Variants in EEF1E1 observed in about 807,000 individuals in gnomAD.
EEF1E1 encodes the protein eukaryotic translation elongation factor 1 epsilon 1, also known as eukaryotic translation elongation factor 1 epsilon-1.
Under a neutral mutation model 19.9 loss-of-function variants are expected in EEF1E1, and 19 were observed. That is an observed-to-expected ratio of 0.95 (90% CI 0.66 to 1.40). The LOEUF (loss-of-function observed/expected upper bound fraction) is 1.40. Among genes scored for constraint, EEF1E1 ranks in the 40% most tolerant of loss-of-function variants. The pLI is 0.00. For synonymous variants in EEF1E1, 81 were observed against 80.0 expected (o/e 1.01, Z -0.07); for missense variants, 198 against 202.2 (o/e 0.98, Z 0.13).
In EEF1E1 at chr6:8,080,049, C is replaced by T; in HGVS notation, c.385-19G>A. On this transcript the variant is annotated intron_variant, in intron 3 of 3. Coordinates refer to ENST00000379715, the MANE Select transcript of EEF1E1 (RefSeq NM_004280.5). ...GGTCAACCTAAGTAGAGATTAAAAA[C>T]ATACACACACAACACAGATGTTACA... 1 of 1,611,422 alleles carries T rather than the reference C, an allele frequency of 6.2e-7. No homozygotes were observed. The highest frequency in any genetic ancestry group is 1.1e-5 in the South Asian group (1 of 90,990).
downstream of EEF1E1, chr6:8,078,413 A>T (rs1581453464): frequency 5.6e-6 from 1 of 179,860 alleles, no homozygotes; most frequent in Non-Finnish European, 1.2e-5. Flanking sequence ...CACCCCAAAA[A>T]TAATAACAAT....
downstream of EEF1E1, among the ~76,000 whole-genome samples, chr6:8,075,160 C>T (rs868686722): frequency 5.3e-5 from 8 of 152,034 alleles, no homozygotes; most frequent in South Asian, 1.0e-3. Context: ...TATAGCAGAC[C>T]GAGTGGTTAG....
In EEF1E1 at chr6:8,089,491, C is replaced by T. The variant is rs551110668; in HGVS notation, c.384+695G>A. On this transcript the variant is annotated intron_variant, in intron 3 of 3. Coordinates refer to ENST00000379715, the MANE Select transcript of EEF1E1 (RefSeq NM_004280.5). ...GAGTCTGATGTTTGAGGGCAGAAAG[C>T]ATCCAGCACGGGAGAAAGACGTAGG... Among the ~76,000 whole-genome samples, 5 of 152,268 alleles carry T rather than the reference C, an allele frequency of 3.3e-5. No homozygotes were observed. In the South Asian group the frequency reaches 1.0e-3, roughly 32 times the overall value.
intron 1 of EEF1E1, among the ~76,000 whole-genome samples, chr6:8,099,824 A>C (rs1471910762): frequency 6.6e-6 from 1 of 151,330 alleles, no homozygotes; most frequent in Non-Finnish European, 1.5e-5. Flanking sequence ...TAATGTTCAC[A>C]CATGATGAAA....
chr6:8,078,665 C>T (rs1336184886), downstream of EEF1E1: 2 of 1,279,042 alleles, frequency 1.6e-6, no homozygotes, highest in Non-Finnish European at 2.0e-6. Flanking sequence ...AGTCTCCTGA[C>T]TCAGTCACTT....
At chr6:8,084,368 A>G (rs1757793712) in intron 3 of EEF1E1, among the ~76,000 whole-genome samples, 1 of 152,234 alleles carries the variant, frequency 6.6e-6, no homozygotes, top group African/African-American at 2.4e-5. Context: ...GCACTATAGG[A>G]TTATGACCTT....
chr6:8,088,391 A>G (rs1341493847), intron 3 of EEF1E1, among the ~76,000 whole-genome samples: 1 of 152,146 alleles, frequency 6.6e-6, no homozygotes, highest in Non-Finnish European at 1.5e-5. Context: ...TTGAAATGTA[A>G]CTTCCACAAT....
chr6:8,076,470 C>G (rs974762977), downstream of EEF1E1, among the ~76,000 whole-genome samples: 1 of 151,886 alleles, frequency 6.6e-6, no homozygotes, highest in African/African-American at 2.4e-5. Flanking sequence ...ACTACAGGCG[C>G]CCACCACCAC....
In EEF1E1 at chr6:8,087,693, A is replaced by T. The variant is rs545682342; in HGVS notation, c.384+2493T>A. ...AGAAAGAAAAAGACACGGTCATGAG[A>T]AAGACTGCTCCAGGGGCCACCAAGC... On this transcript the variant is annotated intron_variant, in intron 3 of 3. Coordinates refer to ENST00000379715, the MANE Select transcript of EEF1E1 (RefSeq NM_004280.5). Among the ~76,000 whole-genome samples the T allele has an allele frequency of 3.0e-4, 45 of 152,284 alleles. 1 individual carries two copies. Among genetic ancestry groups the T allele is most frequent in the Non-Finnish European group, 2.9e-5 (2 of 68,020 alleles).
chr6:8,083,205 T>C (rs1246779586), intron 3 of EEF1E1, among the ~76,000 whole-genome samples: 1 of 152,232 alleles, frequency 6.6e-6, no homozygotes, highest in Non-Finnish European at 1.5e-5. Flanking sequence ...ACACTTTAAG[T>C]GAACCGTTCC....
chr6:8,090,171 T>G lies in EEF1E1; in HGVS notation c.384+15A>C. The G allele has an allele frequency of 1.3e-6, 2 of 1,502,130 alleles. No individual in the cohort carries two copies. The highest frequency in any genetic ancestry group is 1.8e-6 in the Non-Finnish European group (2 of 1,128,258). 93.1% of individuals were successfully genotyped at this position (1,502,130 alleles called of 1,614,324 possible). Reference sequence around the variant, plus strand: ...ACACTACAGAAAAAAAGCCAGTAACTATACAAATACTCACTATAAAGCGAT... The same window carrying G: ...ACACTACAGAAAAAAAGCCAGTAACGATACAAATACTCACTATAAAGCGAT... On this transcript the variant is annotated intron_variant, in intron 3 of 3. Coordinates refer to ENST00000379715, the MANE Select transcript of EEF1E1 (RefSeq NM_004280.5).
rs978231491 is a variant in EEF1E1, at chr6:8,102,448, T to G, written c.74A>C (p.Gln25Pro). ...GLSKGNKYSA[Q>P]GERQIPVLQT... is the part of the protein sequence containing the mutation. ...TCTCCTTCTCACCTGTCGCTCGCCCTGAGCACTGTATTTATTCCCCTTACT... is the reference window on the plus strand; with the variant it reads ...TCTCCTTCTCACCTGTCGCTCGCCCGGAGCACTGTATTTATTCCCCTTACT... Residue 25 changes from glutamine (Q) to proline (P), a missense_variant, in exon 1 of 4, where the codon CAG becomes CCG. Gln to Pro is a moderately conservative substitution (Grantham distance 76). Transcript: ENST00000379715. 1 of 1,612,022 alleles carries G rather than the reference T, an allele frequency of 6.2e-7. No homozygotes were observed. Among genetic ancestry groups the G allele is most frequent in the Non-Finnish European group, 8.5e-7 (1 of 1,179,778 alleles).
chr6:8,077,213 G>A (rs1009385616), downstream of EEF1E1, among the ~76,000 whole-genome samples: 5 of 152,202 alleles, frequency 3.3e-5, no homozygotes, highest in African/African-American at 4.8e-5. Context: ...AAAGTGCTGG[G>A]ATTACAAGCA....
chr6:8,093,325 T>C (rs1455220601), intron 2 of EEF1E1, among the ~76,000 whole-genome samples: 2 of 11,762 alleles, frequency 1.7e-4, no homozygotes, highest in African/African-American at 2.1e-3. Flanking sequence ...ATTCGCTTCC[T>C]TTTTTTTTTT....
chr6:8,080,608 G>T (rs1757700649), intron 3 of EEF1E1, among the ~76,000 whole-genome samples: 1 of 152,152 alleles, frequency 6.6e-6, no homozygotes, highest in African/African-American at 2.4e-5. Flanking sequence ...CAGAGATTTG[G>T]TTAGAGAGAG....
chr6:8,102,176 T>C, intron 1 of EEF1E1: 2 of 1,191,810 alleles, frequency 1.7e-6, no homozygotes, highest in Non-Finnish European at 2.2e-6. Context: ...TGTTTCCTCA[T>C]AATGGGATGA....
intron 1 of EEF1E1, among the ~76,000 whole-genome samples, chr6:8,098,823 A>C (rs1283722847): frequency 1.3e-5 from 2 of 152,222 alleles, no homozygotes; most frequent in Non-Finnish European, 2.9e-5. Flanking sequence ...AAGAGAAATC[A>C]AGGGACTCAC....
intron 1 of EEF1E1, among the ~76,000 whole-genome samples, chr6:8,100,882 G>A (rs1406194572): frequency 6.7e-6 from 1 of 148,222 alleles, no homozygotes. Context: ...ATTTGCTGAT[G>A]ATTGTTTCTC....
chr6:8,099,719 C>A (rs892503531), intron 1 of EEF1E1, among the ~76,000 whole-genome samples: 1 of 149,058 alleles, frequency 6.7e-6, no homozygotes, highest in Admixed American at 6.8e-5. Flanking sequence ...TGCACTCCAG[C>A]CCGGGCAACA....
Sources: gnomAD v4.1 joint callset for allele counts (sites outside exome capture counted in the v4.1 genomes callset) on GRCh38, gnomAD v4.1.1 for gene constraint, MANE v1.5 for transcripts, NCBI Gene and HGNC (gene_info 2026-07-23, HGNC 2026-07-21) for gene names.